FREM3: variants seen among roughly 807,000 people sequenced by gnomAD.
FREM3 encodes FRAS1-related extracellular matrix protein 3.
Under a neutral mutation model 129.1 loss-of-function variants are expected in FREM3, and 105 were observed. The ratio of observed to expected loss-of-function variants is 0.81; its 90% CI spans 0.69 to 0.96. FREM3 has a LOEUF of 0.96. Among genes scored for constraint, FREM3 ranks in the 40% least tolerant of loss-of-function variants. The pLI, the probability that FREM3 is intolerant of heterozygous loss-of-function variation, is 0.00. For missense variants in FREM3, 2,593 were observed against 2,666.3 expected (o/e 0.97, Z 0.61); for synonymous variants, 1,014 against 1,044.9 (o/e 0.97, Z 0.57).
rs920690370 is a variant in FREM3, at chr4:143,660,437, A to G, written c.5275+32676T>C. ...CTGAGGGCTCTGTTCTGTTCCATTG[A>G]TCTATATCTCTGTTTTGGTACCAGT... On this transcript the variant is annotated intron_variant, in intron 2 of 7. Coordinates refer to ENST00000329798, the MANE Select transcript of FREM3 (RefSeq NM_001168235.2). Among the ~76,000 whole-genome samples the G allele has an allele frequency of 3.3e-5, 5 of 152,044 alleles. No individual in the cohort carries two copies. The East Asian group carries it at 5.8e-4, about 18-fold the overall frequency.
intron 2 of FREM3, among the ~76,000 whole-genome samples, chr4:143,688,960 G>T (rs200207000): frequency 2.0e-5 from 3 of 152,262 alleles, no homozygotes; most frequent in East Asian, 3.9e-4. Flanking sequence ...CTAGACATTG[G>T]CTTAGCCAAG....
intron 2 of FREM3, among the ~76,000 whole-genome samples, chr4:143,668,379 C>T (rs1388480051): frequency 1.3e-5 from 2 of 152,208 alleles, no homozygotes; most frequent in African/African-American, 4.8e-5. Context: ...TGCCACACTG[C>T]ATAACAATAC....
intron 6 of FREM3, 67 bp from the exon 7 acceptor site, chr4:143,586,060 C>T: frequency 7.0e-7 from 1 of 1,437,868 alleles, no homozygotes; most frequent in African/African-American, 1.4e-5. Flanking sequence ...TCCTTTGGCC[C>T]TGTGTGAGCC....
At chr4:143,578,828 A>G (rs1366707406) in intron 7 of FREM3, among the ~76,000 whole-genome samples, 1 of 152,220 alleles carries the variant, frequency 6.6e-6, no homozygotes, top group Non-Finnish European at 1.5e-5. Context: ...TGAAGAAAAC[A>G]AAAGCAGACA....
At chr4:143,604,669 A>G (rs1022796214) in intron 6 of FREM3, among the ~76,000 whole-genome samples, 1 of 152,218 alleles carries the variant, frequency 6.6e-6, no homozygotes, top group Non-Finnish European at 1.5e-5. Flanking sequence ...ACTAGAAGCC[A>G]AAACTTGGGA....
At chr4:143,638,643 T>A (rs1191600108) in intron 2 of FREM3, among the ~76,000 whole-genome samples, 4 of 152,100 alleles carry the variant, frequency 2.6e-5, no homozygotes, top group Admixed American at 2.6e-4. Flanking sequence ...TTCTTGTCCT[T>A]CCCCATTGGC....
At chr4:143,665,631 A>G (rs1395211763) in intron 2 of FREM3, among the ~76,000 whole-genome samples, 1 of 152,108 alleles carries the variant, frequency 6.6e-6, no homozygotes, top group Non-Finnish European at 1.5e-5. Flanking sequence ...CTCATTATAA[A>G]ACACAAGATT....
chr4:143,699,217 G>A lies in FREM3; in HGVS notation c.1459C>T (p.Pro487Ser), dbSNP rs1740642754. 4 of 1,537,250 alleles carry A rather than the reference G, an allele frequency of 2.6e-6. No homozygotes were observed. The highest frequency in any genetic ancestry group is 2.4e-5 in the East Asian group (1 of 40,912). Reference protein sequence around the residue: ...RHGQLVVFGAPAGCKYFTPAD... With the variant: ...RHGQLVVFGASAGCKYFTPAD... ...GGTGTGAAATACTTGCACCCAGCAG[G>A]TGCCCCAAACACCACCAGCTGCCCA... The change falls in exon 1 of 8, where the codon CCT becomes TCT. Residue 487 changes from proline to serine, a missense_variant. Physicochemically the swap from Pro to Ser is moderately conservative, Grantham distance 74 (BLOSUM62 -1). Coordinates refer to ENST00000329798, the MANE Select transcript of FREM3 (RefSeq NM_001168235.2). The surrounding 1 kb of genome is among the most constrained non-coding windows in gnomAD (Gnocchi z 4.2).
At chr4:143,644,597 A>G (rs1435404672) in intron 2 of FREM3, among the ~76,000 whole-genome samples, 2 of 152,156 alleles carry the variant, frequency 1.3e-5, no homozygotes, top group African/African-American at 4.8e-5. Flanking sequence ...TAGATCAATA[A>G]CTTTGAGTAT....
rs1466868401 is a variant in FREM3, at chr4:143,678,079, A to T, written c.5275+15034T>A. Reference sequence around the variant, plus strand: ...GAATATAAATCATGCTGCTATAAAGACACATGCACACGTATGTTTACTGGG... The same window carrying T: ...GAATATAAATCATGCTGCTATAAAGTCACATGCACACGTATGTTTACTGGG... On this transcript the variant is annotated intron_variant, in intron 2 of 7. Coordinates refer to ENST00000329798, the MANE Select transcript of FREM3 (RefSeq NM_001168235.2). Among the ~76,000 whole-genome samples, 4 of 152,240 alleles carry T rather than the reference A, an allele frequency of 2.6e-5. No homozygotes were observed. The South Asian group carries it at 6.2e-4, about 24-fold the overall frequency.
chr4:143,623,048 A>G (rs1738982259), intron 4 of FREM3, among the ~76,000 whole-genome samples: 1 of 152,238 alleles, frequency 6.6e-6, no homozygotes, highest in African/African-American at 2.4e-5. Context: ...AGTGCAGAGC[A>G]TATGAACACT....
At position 143,592,771 on chromosome 4, in the gene FREM3, T is replaced by A. The variant is rs565755900; in HGVS notation, c.6029-6778A>T. ...TGTGGCATTCTCTGTATTTCCTGAA[T>A]TTGAATGTTGGCCTGCCTTGCTAGA... On this transcript the variant is annotated intron_variant, in intron 6 of 7. Coordinates refer to ENST00000329798, the MANE Select transcript of FREM3 (RefSeq NM_001168235.2). Among the ~76,000 whole-genome samples, 163 of 152,302 alleles carry A rather than the reference T, an allele frequency of 1.1e-3. 1 individual carries two copies. The highest frequency in any genetic ancestry group is 3.7e-3 in the African/African-American group (152 of 41,558).
intron 2 of FREM3, among the ~76,000 whole-genome samples, chr4:143,657,498 C>T (rs547682615): frequency 1.3e-5 from 2 of 152,220 alleles, no homozygotes; most frequent in South Asian, 4.2e-4. Context: ...CTGGGACTGA[C>T]CCTTAAGTCT....
chr4:143,638,720 A>T (rs780968201), intron 2 of FREM3, among the ~76,000 whole-genome samples: 7 of 152,242 alleles, frequency 4.6e-5, no homozygotes, highest in Non-Finnish European at 7.4e-5. Context: ...TGTCCTTACC[A>T]ATCTACCAAT....
At chr4:143,678,237 G>T (rs1407536319) in intron 2 of FREM3, among the ~76,000 whole-genome samples, 1 of 152,180 alleles carries the variant, frequency 6.6e-6, no homozygotes, top group Non-Finnish European at 1.5e-5. Flanking sequence ...CGTGTCCTTT[G>T]TAGAGACATG....
rs1365742306 is a variant in FREM3 at position 143,699,373 on chromosome 4, C to G, written c.1303G>C (p.Ala435Pro). The G allele has an allele frequency of 6.5e-7, 1 of 1,537,292 alleles. No individual in the cohort carries two copies. Among genetic ancestry groups the G allele is most frequent in the Admixed American group, 2.0e-5 (1 of 51,008 alleles). The change falls in exon 1 of 8, where the codon GCT becomes CCT. Residue 435 changes from alanine (A) to proline (P), a missense_variant. Coordinates refer to ENST00000329798, the MANE Select transcript of FREM3 (RefSeq NM_001168235.2). This position sits in a 1 kb window ranked among gnomAD's most constrained non-coding sequence, Gnocchi z 4.2. ...AGCACAAGTCCCCTGTTATGGCTAG[C>G]CACTGGGACCAGAGTATTCATGGAT... ...VKSMNTLVPV[A>P]SHNRGLVLFE...
intron 2 of FREM3, among the ~76,000 whole-genome samples, chr4:143,646,813 A>G (rs1739426411): frequency 3.3e-5 from 5 of 152,224 alleles, no homozygotes; most frequent in Admixed American, 3.3e-4. Flanking sequence ...AAGATACCCA[A>G]AAATGTGGAA....
chr4:143,655,494 C>T (rs1206305192), intron 2 of FREM3, among the ~76,000 whole-genome samples: 1 of 152,172 alleles, frequency 6.6e-6, no homozygotes, highest in Non-Finnish European at 1.5e-5. Context: ...AGAGTACCCT[C>T]TCATGAATCT....
At chr4:143,654,265 A>G (rs1054660311) in intron 2 of FREM3, among the ~76,000 whole-genome samples, 1 of 151,970 alleles carries the variant, frequency 6.6e-6, no homozygotes, top group African/African-American at 2.4e-5. Flanking sequence ...ACCACGGCCC[A>G]CTAATTTTTG....
Sources: gnomAD v4.1 joint callset for allele counts (sites outside exome capture counted in the v4.1 genomes callset) on GRCh38, gnomAD v4.1.1 for gene constraint, Gnocchi (gnomAD v3.1) non-coding constraint, MANE v1.5 for transcripts, NCBI Gene and HGNC (gene_info 2026-07-23, HGNC 2026-07-21) for gene names.